The following RNF145 variants were observed in gnomAD, a reference collection of about 807,000 sequenced individuals.
The protein encoded by RNF145 is ring finger protein 145.
A neutral mutation model predicts 57.3 loss-of-function variants in RNF145; 12 were observed. The observed-to-expected ratio is 0.21, with a 90% CI of 0.13 to 0.34. The LOEUF (loss-of-function observed/expected upper bound fraction) is 0.34, where lower values mean the gene tolerates loss of function less well. Among genes scored for constraint, RNF145 ranks in the 10% least tolerant of loss-of-function variants. The pLI is 1.00. For synonymous variants in RNF145, 262 were observed against 288.3 expected, an observed-to-expected ratio of 0.91 and a Z score of 0.92; for missense variants, 429 against 799.0, an observed-to-expected ratio of 0.54 and a Z score of 5.58.
chr5:159,208,255 A>T lies in RNF145; in HGVS notation c.-40+976T>A, dbSNP rs1013838398. The T allele has an allele frequency of 6.7e-5, 53 of 796,118 alleles. No homozygotes were observed. The African/African-American group carries it at 8.8e-4, about 13-fold the overall frequency. 49.3% of individuals were successfully genotyped at this position (796,118 alleles called of 1,614,324 possible). A position where few individuals can be genotyped will look rare whatever the true frequency, so the allele number is the denominator to read the frequency against. The stretch of plus-strand genomic sequence containing the variant: ...GCCGCCGCCGCGGGGCTAAGAGATT[A>T]CGTTCAGCAAAAACTCTTCCAGGAA... On this transcript the variant is annotated intron_variant, in intron 1 of 10. Coordinates refer to ENST00000424310, the MANE Select transcript of RNF145 (RefSeq NM_001199383.2).
At position 159,158,664 on chromosome 5, in the gene RNF145, T is replaced by G. The variant is rs777882654; in HGVS notation, c.*6A>C. 2 of 1,610,394 alleles carry G rather than the reference T, an allele frequency of 1.2e-6. No homozygotes were observed. The highest frequency in any genetic ancestry group is 1.7e-6 in the Non-Finnish European group (2 of 1,177,302). On this transcript the variant is annotated 3_prime_UTR_variant, in exon 11 of 11. Coordinates refer to ENST00000424310, the MANE Select transcript of RNF145 (RefSeq NM_001199383.2). The stretch of plus-strand genomic sequence containing the variant: ...GTATCAAAGCATCATTCCTGCTGCT[T>G]CTCCTCTAGGCTGATTCAACAGGAT...
At chr5:159,197,370 C>T (rs1346654469) in intron 2 of RNF145, among the ~76,000 whole-genome samples, 1 of 152,168 alleles carries the variant, frequency 6.6e-6, no homozygotes, top group Non-Finnish European at 1.5e-5. Context: ...AATATAAAGC[C>T]TAAATACAAT....
intron 5 of RNF145, among the ~76,000 whole-genome samples, chr5:159,175,762 C>T (rs1784702001): frequency 6.6e-6 from 1 of 152,102 alleles, no homozygotes; most frequent in African/African-American, 2.4e-5. Context: ...CAAAGATCTG[C>T]CCCTGGGGCC....
chr5:159,200,150 T>C (rs1785612837), intron 2 of RNF145, among the ~76,000 whole-genome samples: 1 of 151,966 alleles, frequency 6.6e-6, no homozygotes, highest in African/African-American at 2.4e-5. Context: ...AAATTAGTAA[T>C]AATGCAATCT....
At chr5:159,189,474 A>C (rs912168852) in intron 3 of RNF145, among the ~76,000 whole-genome samples, 6 of 152,228 alleles carry the variant, frequency 3.9e-5, no homozygotes, top group African/African-American at 1.4e-4. Flanking sequence ...GAATGTAGAC[A>C]AATTGGAAGC....
intron 5 of RNF145, among the ~76,000 whole-genome samples, chr5:159,176,383 G>A (rs768944025): frequency 6.6e-6 from 1 of 152,064 alleles, no homozygotes; most frequent in Non-Finnish European, 1.5e-5. Flanking sequence ...CACAGCTAGT[G>A]AACAGCAGCA....
intron 3 of RNF145, among the ~76,000 whole-genome samples, chr5:159,186,092 G>A (rs571968643): frequency 2.6e-5 from 4 of 152,288 alleles, no homozygotes; most frequent in Non-Finnish European, 5.9e-5. Context: ...AGCCAGGCGT[G>A]GTAATGCCTA....
chr5:159,205,116 A>T (rs1785829271), intron 1 of RNF145, among the ~76,000 whole-genome samples: 3 of 152,204 alleles, frequency 2.0e-5, no homozygotes, highest in Admixed American at 2.0e-4. Context: ...AACTTGGCAC[A>T]CTATCAATAA....
At position 159,161,614 on chromosome 5, in the gene RNF145, TCC is replaced by T; in HGVS notation, c.1276_1277del (p.Gly426AsnfsTer11). 1 of 1,500,352 alleles carries T rather than the reference TCC, an allele frequency of 6.7e-7. No individual in the cohort carries two copies. 92.9% of individuals were successfully genotyped at this position (1,500,352 alleles called of 1,614,324 possible). ...TAAATAAGACATAAATAAAAAGTGT[TCC>T]CAGAACCTGAAAAAAAAAAAAAAAT... The part of the protein sequence containing the change: ...SSILTSLQVL[G>X]TLFIYVLFMV... On this transcript the variant is annotated frameshift_variant, in exon 10 of 11. Transcript: ENST00000424310. LOFTEE classifies it high-confidence loss of function.
intron 1 of RNF145, among the ~76,000 whole-genome samples, chr5:159,205,698 A>G (rs1785854649): frequency 6.6e-6 from 1 of 152,224 alleles, no homozygotes; most frequent in Admixed American, 6.5e-5. Context: ...TTATACTGCC[A>G]TCGAAAAGTA....
chr5:159,189,795 A>G (rs1354888352), intron 3 of RNF145, among the ~76,000 whole-genome samples: 1 of 152,260 alleles, frequency 6.6e-6, no homozygotes, highest in Non-Finnish European at 1.5e-5. Context: ...ATGCTGCAAC[A>G]TGCATGAATC....
chr5:159,174,589 A>ATG (rs1309706278), intron 5 of RNF145, among the ~76,000 whole-genome samples: 1 of 152,204 alleles, frequency 6.6e-6, no homozygotes, highest in Non-Finnish European at 1.5e-5. Flanking sequence ...TTATTCAGAA[A>ATG]TGTCACAAAT....
intron 2 of RNF145, among the ~76,000 whole-genome samples, chr5:159,195,049 T>C (rs979559169): frequency 1.3e-5 from 2 of 152,248 alleles, no homozygotes; most frequent in Non-Finnish European, 2.9e-5. Context: ...CTCTACCTAA[T>C]AATCAAATAT....
chr5:159,208,062 A>G, intron 1 of RNF145: 2 of 1,497,026 alleles, frequency 1.3e-6, no homozygotes, highest in East Asian at 2.5e-5. Flanking sequence ...CTGCGACGCA[A>G]GGCCATCCAC....
intron 1 of RNF145, among the ~76,000 whole-genome samples, chr5:159,208,611 C>T (rs2113264931): frequency 6.6e-6 from 1 of 152,230 alleles, no homozygotes; most frequent in South Asian, 2.1e-4. Context: ...GGCCCTTCCG[C>T]ACCCCCAAAC....
At chr5:159,194,680 C>A in intron 3 of RNF145, 36 bp downstream of exon 3, 2 of 1,268,764 alleles carry the variant, frequency 1.6e-6, no homozygotes, top group South Asian at 1.2e-5. Context: ...ACTTTAAATT[C>A]AATCATACAT....
chr5:159,195,922 C>T (rs545083569), intron 2 of RNF145, among the ~76,000 whole-genome samples: 35 of 152,266 alleles, frequency 2.3e-4, no homozygotes, highest in East Asian at 5.8e-4. Flanking sequence ...CTGTGCTCCC[C>T]ACCTCCTCCC....
chr5:159,169,692 G>C lies in RNF145; in HGVS notation c.925C>G (p.Pro309Ala). ...LQGYRAFMND[P>A]AMNRGMTEGV... ...GAAAGAACTTACCGATTCATGGCAG[G>C]ATCATTCATGAAAGCTCGATAACCC... is the stretch of plus-strand genomic sequence containing the variant. Residue 309 changes from proline to alanine, a missense_variant, in exon 7 of 11, where the codon CCT becomes GCT. Pro to Ala is a conservative substitution (Grantham distance 27, BLOSUM62 -1). Around this residue, in one of 4 missense-constraint regions of RNF145, gnomAD observed 216 missense variants for 457.6 expected, o/e 0.47. Coordinates refer to ENST00000424310, the MANE Select transcript of RNF145 (RefSeq NM_001199383.2). 1 of 1,605,468 alleles carries C rather than the reference G, an allele frequency of 6.2e-7. No individual in the cohort carries two copies.
intron 2 of RNF145, among the ~76,000 whole-genome samples, chr5:159,201,996 C>T (rs948495022): frequency 1.1e-4 from 16 of 152,100 alleles, no homozygotes; most frequent in Non-Finnish European, 2.1e-4. Context: ...TAACTCCAAC[C>T]AAAACATTGT....
Sources: allele counts gnomAD v4.1 joint callset (sites outside exome capture counted in the v4.1 genomes callset), GRCh38; gene constraint gnomAD v4.1.1; regional missense constraint gnomAD v4.1.1; transcripts MANE v1.5; gene names NCBI Gene and HGNC (gene_info 2026-07-23, HGNC 2026-07-21).